The following NOTO variants were observed in gnomAD, a reference collection of about 807,000 sequenced individuals.
NOTO encodes the protein notochord homeobox, also known as homeobox protein notochord.
Under a neutral mutation model 20.5 loss-of-function variants are expected in NOTO, and 19 were observed. The ratio of observed to expected loss-of-function variants is 0.93; its 90% CI spans 0.65 to 1.36. The LOEUF is 1.36. NOTO is among the 40% of genes most tolerant of loss of function. The probability of loss-of-function intolerance (pLI) is 0.00; values close to 1 mark genes in which losing one functional copy is unlikely to be tolerated. For missense variants in NOTO, 369 were observed against 336.2 expected (o/e 1.10, Z -0.76); for synonymous variants, 150 against 150.2 (o/e 1.00, Z 0.01).
intron 1 of NOTO, among the ~76,000 whole-genome samples, chr2:73,204,893 T>TTTTTTTG (rs1686068650): frequency 6.9e-6 from 1 of 144,710 alleles, no homozygotes; most frequent in African/African-American, 2.7e-5. Flanking sequence ...TTTTATTTTT[T>TTTTTTTG]TTTTTTGAGG....
rs1006207080 is a variant in NOTO at position 73,211,648 on chromosome 2, T to G, written c.*719T>G. On this transcript the variant is annotated 3_prime_UTR_variant, in exon 3 of 3. Transcript: ENST00000398468. ...CCATGCCTGGCTAATTTTTATATTT[T>G]TAGTAGAGACGGGGTTTCATCATAT... The G allele has an allele frequency of 6.6e-6, 1 of 152,260 alleles. No homozygotes were observed. Among genetic ancestry groups the G allele is most frequent in the Non-Finnish European group, 1.5e-5 (1 of 68,086 alleles). 9.4% of individuals were successfully genotyped at this position (152,260 alleles called of 1,614,324 possible). A position where few individuals can be genotyped will look rare whatever the true frequency, so the allele number is the denominator to read the frequency against.
chr2:73,206,953 T>C (rs1275609404), intron 1 of NOTO, among the ~76,000 whole-genome samples: 4 of 151,446 alleles, frequency 2.6e-5, no homozygotes, highest in Non-Finnish European at 5.9e-5. Flanking sequence ...CACCACCACA[T>C]CTGGCTAATT....
In NOTO at chr2:73,202,733, C is replaced by T. The variant is rs1438797112; in HGVS notation, c.67C>T (p.Arg23Cys). 6.6e-6 allele frequency: 10 copies of T among 1,519,602 alleles called. No individual in the cohort carries two copies. Among genetic ancestry groups the T allele is most frequent in the Non-Finnish European group, 8.8e-6 (10 of 1,139,702 alleles). 94.1% of individuals were successfully genotyped at this position (1,519,602 alleles called of 1,614,324 possible). A position where few individuals can be genotyped will look rare whatever the true frequency, so the allele number is the denominator to read the frequency against. ...CTCGGGCTCTCGGGTCCGACCTCCGCGCTCTGGCCGCTCTCCGGCGCCCAG... is the reference window on the plus strand; with the variant it reads ...CTCGGGCTCTCGGGTCCGACCTCCGTGCTCTGGCCGCTCTCCGGCGCCCAG... ...APSGSRVRPP[R>C]SGRSPAPRSP... Residue 23 changes from arginine to cysteine, a missense_variant, in exon 1 of 3, where the codon CGC becomes TGC. Arg to Cys is a radical substitution (Grantham distance 180). Transcript: ENST00000398468.
intron 1 of NOTO, among the ~76,000 whole-genome samples, chr2:73,207,414 G>A (rs1398284973): frequency 6.6e-6 from 1 of 152,150 alleles, no homozygotes; most frequent in Non-Finnish European, 1.5e-5. Flanking sequence ...TATACCCCCA[G>A]ATAGCCCAAT....
intron 1 of NOTO, among the ~76,000 whole-genome samples, chr2:73,206,714 T>G (rs1686093020): frequency 6.7e-6 from 1 of 149,780 alleles, no homozygotes; most frequent in African/African-American, 2.4e-5. Flanking sequence ...AAATCAAGGC[T>G]CACAGAAGTA....
chr2:73,206,540 T>C (rs754355245), intron 1 of NOTO, among the ~76,000 whole-genome samples: 15 of 152,074 alleles, frequency 9.9e-5, no homozygotes, highest in Non-Finnish European at 1.9e-4. Context: ...GGTTTTACCA[T>C]GTTGCCCAGG....
In NOTO at chr2:73,202,951, G is replaced by T. The variant is rs1450071009; in HGVS notation, c.285G>T (p.Pro95=). ...CCGGGGGTCTGCCCTGGGCTTGCCCGACATCGTGGCTGCCCGCCTACCTGA... is the reference window on the plus strand; with the variant it reads ...CCGGGGGTCTGCCCTGGGCTTGCCCTACATCGTGGCTGCCCGCCTACCTGA... ...CATGGLPWAC[P]TSWLPAYLSV... is the part of the protein sequence containing the mutation. The change falls in exon 1 of 3, where the codon CCG becomes CCT. Residue 95 remains proline (P), a synonymous_variant. Coordinates refer to ENST00000398468, the MANE Select transcript of NOTO (RefSeq NM_001134462.2). 15 of 1,514,382 alleles carry T rather than the reference G, an allele frequency of 9.9e-6. No homozygotes were observed. The highest frequency in any genetic ancestry group is 2.7e-5 in the East Asian group (1 of 37,136). The allele number at this position is 1,514,382 out of a possible 1,614,324, so 93.8% of individuals were successfully genotyped here.
Position 73,202,658 on chromosome 2 carries a change from G to A in NOTO, c.-9G>A. 2 of 1,442,410 alleles carry A rather than the reference G, an allele frequency of 1.4e-6. No homozygotes were observed. The highest frequency in any genetic ancestry group is 1.8e-6 in the Non-Finnish European group (2 of 1,107,078). 89.4% of individuals were successfully genotyped at this position (1,442,410 alleles called of 1,614,324 possible). On this transcript the variant is annotated 5_prime_UTR_variant, in exon 1 of 3. Coordinates refer to ENST00000398468, the MANE Select transcript of NOTO (RefSeq NM_001134462.2). ...CCTTCCTTGCGTCCGTCCGGGCAACGGCCGCGTCATGCCTAGCCCCAGGCC... is the reference window on the plus strand; with the variant it reads ...CCTTCCTTGCGTCCGTCCGGGCAACAGCCGCGTCATGCCTAGCCCCAGGCC...
At chr2:73,205,296 C>T (rs574651015) in intron 1 of NOTO, among the ~76,000 whole-genome samples, 1 of 152,242 alleles carries the variant, frequency 6.6e-6, no homozygotes, top group African/African-American at 2.4e-5. Flanking sequence ...TGGACTACTT[C>T]AGCTCAGGAG....
chr2:73,210,350 C>T (rs1002982289), intron 2 of NOTO, among the ~76,000 whole-genome samples: 1 of 137,508 alleles, frequency 7.3e-6, no homozygotes, highest in African/African-American at 2.8e-5. Flanking sequence ...CTGTCCCCAT[C>T]AGGTGGGCCT....
In NOTO at chr2:73,208,574, G is replaced by C; in HGVS notation, c.557G>C (p.Arg186Thr). ...CAGCACAATCTGGTGGGGAAGAAGA[G>C]AGCCCAGCTGGCAGCTCGGCTCAAA... ...AKQHNLVGKK[R>T]AQLAARLKLT... The change falls in exon 2 of 3, where the codon AGA (arginine) becomes ACA (threonine). Residue 186 changes from arginine (R) to threonine (T), a missense_variant. By Grantham distance (71) the Arg-to-Thr change is moderately conservative (BLOSUM62 -1). Transcript: ENST00000398468. 1 of 1,551,528 alleles carries C rather than the reference G, an allele frequency of 6.4e-7. No individual in the cohort carries two copies. Among genetic ancestry groups the C allele is most frequent in the East Asian group, 2.4e-5 (1 of 40,918 alleles).
chr2:73,203,069 G>A, intron 1 of NOTO, 21 bp downstream of exon 1: 1 of 1,371,292 alleles, frequency 7.3e-7, no homozygotes, highest in South Asian at 1.7e-5. Flanking sequence ...CCCGGCGCCC[G>A]CACGCGGGGG....
chr2:73,208,349 C>A (rs28516710), intron 1 of NOTO, 51 bp from the exon 2 acceptor site: 2 of 1,342,744 alleles, frequency 1.5e-6, no homozygotes, highest in Non-Finnish European at 2.1e-6. Flanking sequence ...GGGCTTCTGG[C>A]TAACCTCCCC....
chr2:73,202,703 G>C lies in NOTO; in HGVS notation c.37G>C (p.Ala13Pro). The C allele has an allele frequency of 6.6e-7, 1 of 1,510,874 alleles. No individual in the cohort carries two copies. Among genetic ancestry groups the C allele is most frequent in the Non-Finnish European group, 8.8e-7 (1 of 1,136,142 alleles). 93.6% of individuals were successfully genotyped at this position (1,510,874 alleles called of 1,614,324 possible). A position where few individuals can be genotyped will look rare whatever the true frequency, so the allele number is the denominator to read the frequency against. ...CAGGCCGCGAGGCAGCCCGCCACCCGCTCCCTCGGGCTCTCGGGTCCGACC... is the reference window on the plus strand; with the variant it reads ...CAGGCCGCGAGGCAGCCCGCCACCCCCTCCCTCGGGCTCTCGGGTCCGACC... ...SPRPRGSPPP[A>P]PSGSRVRPPR... Residue 13 changes from alanine (A) to proline (P), a missense_variant, in exon 1 of 3, where the codon GCT becomes CCT. Ala to Pro is a conservative substitution (Grantham distance 27). Transcript: ENST00000398468.
chr2:73,206,293 G>C (rs1228650815), intron 1 of NOTO, among the ~76,000 whole-genome samples: 1 of 152,038 alleles, frequency 6.6e-6, no homozygotes, highest in Non-Finnish European at 1.5e-5. Flanking sequence ...CTTGCTCTGT[G>C]CCTGGCACAG....
Position 73,202,639 on chromosome 2 carries a change from T to C in NOTO, c.-28T>C. 1 of 1,429,390 alleles carries C rather than the reference T, an allele frequency of 7.0e-7. No individual in the cohort carries two copies. 88.5% of individuals were successfully genotyped at this position (1,429,390 alleles called of 1,614,324 possible). ...TCTCACTTCTCCCGAGCTCCCTTCC[T>C]TGCGTCCGTCCGGGCAACGGCCGCG... On this transcript the variant is annotated 5_prime_UTR_variant, in exon 1 of 3. Transcript: ENST00000398468.
Position 73,208,476 on chromosome 2 carries a change from G to C in NOTO, c.459G>C (p.Glu153Asp). 1 of 1,551,678 alleles carries C rather than the reference G, an allele frequency of 6.4e-7. No homozygotes were observed. The highest frequency in any genetic ancestry group is 8.7e-7 in the Non-Finnish European group (1 of 1,146,952). Residue 153 changes from glutamate to aspartate, a missense_variant, in exon 2 of 3, where the codon GAG becomes GAC. Glu to Asp is a conservative substitution (Grantham distance 45). Coordinates refer to ENST00000398468, the MANE Select transcript of NOTO (RefSeq NM_001134462.2). ...CAACGGAGGACCTACAGGACACTGA[G>C]AGACAGCAAAAGAGAGTCCGAACTA... ...WAPTEDLQDT[E>D]RQQKRVRTMF...
intron 1 of NOTO, among the ~76,000 whole-genome samples, chr2:73,204,879 A>AT (rs888920847): frequency 1.3e-5 from 1 of 79,072 alleles, no homozygotes; most frequent in African/African-American, 6.4e-5. Context: ...AATTTTTTTT[A>AT]TTTTTTTATT....
Position 73,202,987 on chromosome 2 carries a change from T to C in NOTO, c.321T>C (p.Phe107=), listed in dbSNP as rs1246076934. ...TGCCCGCCTACCTGAGCGTAGGTTT[T>C]TACCCTGTGCCAGGGCCGCGCGTGG... is the stretch of plus-strand genomic sequence containing the variant. The part of the protein sequence containing the change: ...SWLPAYLSVG[F]YPVPGPRVAP... The change falls in exon 1 of 3, where the codon TTT becomes TTC. Residue 107 remains phenylalanine (F), a synonymous_variant. Coordinates refer to ENST00000398468, the MANE Select transcript of NOTO (RefSeq NM_001134462.2). 2.0e-5 allele frequency: 30 copies of C among 1,488,386 alleles called. No individual in the cohort carries two copies. The highest frequency in any genetic ancestry group is 2.3e-5 in the Non-Finnish European group (26 of 1,121,740). 92.2% of individuals were successfully genotyped at this position (1,488,386 alleles called of 1,614,324 possible). A position where few individuals can be genotyped will look rare whatever the true frequency, so the allele number is the denominator to read the frequency against.
Sources: allele counts gnomAD v4.1 joint callset (sites outside exome capture counted in the v4.1 genomes callset), GRCh38; gene constraint gnomAD v4.1.1; transcripts MANE v1.5; gene names NCBI Gene and HGNC (gene_info 2026-07-23, HGNC 2026-07-21).